SPOPL: variants seen among roughly 807,000 people sequenced by gnomAD.
SPOPL encodes speckle type BTB/POZ protein like, also known as speckle-type POZ protein-like.
SPOPL carries 23 observed loss-of-function variants against 53.8 expected under a neutral mutation model. The observed-to-expected ratio is 0.43, with a 90% CI of 0.31 to 0.61. The LOEUF (loss-of-function observed/expected upper bound fraction) is 0.61, where lower values mean the gene tolerates loss of function less well. Ranked by LOEUF, SPOPL falls within the 20% of genes least tolerant of loss-of-function variation. SPOPL has a pLI of 0.12. For synonymous variants in SPOPL, 164 were observed against 149.7 expected, an observed-to-expected ratio of 1.10 and a Z score of -0.70; for missense variants, 442 against 466.9, an observed-to-expected ratio of 0.95 and a Z score of 0.49.
At chr2:138,538,484 A>G (rs1275549665) in intron 1 of SPOPL, among the ~76,000 whole-genome samples, 1 of 152,162 alleles carries the variant, frequency 6.6e-6, no homozygotes, top group African/African-American at 2.4e-5. Flanking sequence ...TTTTTGACTT[A>G]AAGTCTGTTT....
intron 1 of SPOPL, among the ~76,000 whole-genome samples, chr2:138,539,242 T>C (rs1685007958): frequency 6.6e-6 from 1 of 152,242 alleles, no homozygotes; most frequent in Non-Finnish European, 1.5e-5. Flanking sequence ...CAGCATGATT[T>C]ATAATCCTTT....
In SPOPL at chr2:138,561,066, G is replaced by A. The variant is rs2104902305; in HGVS notation, c.837+139G>A. ...GCTTTATGAAATAGCATACAGTGGG[G>A]TAATCTGGAAATGAAATTTTTTTTT... On this transcript the variant is annotated intron_variant, in intron 8 of 10. Coordinates refer to ENST00000280098, the MANE Select transcript of SPOPL (RefSeq NM_001001664.3). 5 of 1,037,242 alleles carry A rather than the reference G, an allele frequency of 4.8e-6. 1 individual carries two copies. In the South Asian group the frequency reaches 5.3e-5, roughly 11 times the overall value. 64.3% of individuals were successfully genotyped at this position (1,037,242 alleles called of 1,614,324 possible).
Position 138,514,156 on chromosome 2 carries a change from T to A in SPOPL, c.-61+12037T>A, listed in dbSNP as rs560430750. 5.3e-5 allele frequency among the ~76,000 whole-genome samples: 8 copies of A among 152,326 alleles called. No homozygotes were observed. The East Asian group carries it at 1.5e-3, about 29-fold the overall frequency. On this transcript the variant is annotated intron_variant, in intron 1 of 10. Transcript: ENST00000280098. ...GTTTATTTTGCCAAGGTTGAGGACC[T>A]GCGCTGGGGTAACAGCCTCAGGAGG...
intron 1 of SPOPL, among the ~76,000 whole-genome samples, chr2:138,529,497 C>CGTGT (rs1684753063): frequency 1.2e-5 from 1 of 85,632 alleles, no homozygotes; most frequent in Admixed American, 1.4e-4. Context: ...TATGCATGTG[C>CGTGT]CTGTGTGTGT....
At chr2:138,519,164 A>G (rs1684505485) in intron 1 of SPOPL, among the ~76,000 whole-genome samples, 1 of 152,220 alleles carries the variant, frequency 6.6e-6, no homozygotes, top group African/African-American at 2.4e-5. Flanking sequence ...TCATTCTGTA[A>G]TACTAAATTA....
intron 1 of SPOPL, among the ~76,000 whole-genome samples, chr2:138,547,656 A>G (rs1286087315): frequency 6.6e-6 from 1 of 152,176 alleles, no homozygotes; most frequent in Non-Finnish European, 1.5e-5. Flanking sequence ...TAATTAAAAC[A>G]TAACACATTT....
chr2:138,545,508 A>T (rs1375759926), intron 1 of SPOPL, among the ~76,000 whole-genome samples: 1 of 151,472 alleles, frequency 6.6e-6, no homozygotes, highest in Non-Finnish European at 1.5e-5. Context: ...ATCTCAGCTC[A>T]CTGCAAACTC....
chr2:138,554,340 C>T (rs200769464), intron 5 of SPOPL: 36 of 494,232 alleles, frequency 7.3e-5, no homozygotes, highest in Non-Finnish European at 1.0e-4. Flanking sequence ...CCCTGGGCAC[C>T]GTATTTAGCA....
intron 1 of SPOPL, among the ~76,000 whole-genome samples, chr2:138,510,630 A>G (rs1364684911): frequency 6.6e-6 from 1 of 152,186 alleles, no homozygotes; most frequent in Non-Finnish European, 1.5e-5. Context: ...ATTATGGAGA[A>G]TTTACCTCTG....
chr2:138,554,509 C>A (rs1264552609), intron 5 of SPOPL: 4 of 1,289,520 alleles, frequency 3.1e-6, no homozygotes, highest in South Asian at 1.3e-5. Flanking sequence ...CCTCCTCCCC[C>A]TCCCCTGCAA....
intron 1 of SPOPL, among the ~76,000 whole-genome samples, chr2:138,531,540 C>T (rs1386237507): frequency 3.3e-5 from 5 of 152,112 alleles, no homozygotes; most frequent in African/African-American, 1.2e-4. Context: ...TCTGTGACTC[C>T]ACTAAGTAGG....
chr2:138,526,387 G>A (rs1684675327), intron 1 of SPOPL, among the ~76,000 whole-genome samples: 3 of 152,116 alleles, frequency 2.0e-5, no homozygotes, highest in Admixed American at 2.0e-4. Context: ...GGTTAGAGCT[G>A]TGGTCTTTAA....
At chr2:138,548,776 C>T (rs1329727001) in intron 1 of SPOPL, among the ~76,000 whole-genome samples, 3 of 152,014 alleles carry the variant, frequency 2.0e-5, no homozygotes, top group Non-Finnish European at 1.5e-5. Flanking sequence ...GGTTTTTTTA[C>T]AGTCACTGGC....
intron 1 of SPOPL, among the ~76,000 whole-genome samples, chr2:138,545,743 G>C (rs1287062389): frequency 2.0e-5 from 3 of 152,080 alleles, no homozygotes; most frequent in African/African-American, 7.2e-5. Flanking sequence ...CCGGCCAGCT[G>C]TTAAGTTTTT....
chr2:138,552,689 C>T lies in SPOPL; in HGVS notation c.480+8C>T. 1 of 1,608,160 alleles carries T rather than the reference C, an allele frequency of 6.2e-7. No homozygotes were observed. Among genetic ancestry groups the T allele is most frequent in the Admixed American group, 1.7e-5 (1 of 58,840 alleles). On this transcript the variant is annotated splice_region_variant and intron_variant, in intron 5 of 10. Coordinates refer to ENST00000280098, the MANE Select transcript of SPOPL (RefSeq NM_001001664.3). ...CTTACATTATTTTGTGAGGTGGGTA[C>T]ATCTTTTATTCTAAGAACCCCATGG... is the stretch of plus-strand genomic sequence containing the variant.
chr2:138,537,553 T>G (rs1417095563), intron 1 of SPOPL, among the ~76,000 whole-genome samples: 1 of 152,222 alleles, frequency 6.6e-6, no homozygotes, highest in Non-Finnish European at 1.5e-5. Context: ...TAGTTTTTAC[T>G]TCTTTTTTCT....
chr2:138,551,239 C>T (rs1393765940), intron 4 of SPOPL, among the ~76,000 whole-genome samples, 185 bp downstream of exon 4: 3 of 151,990 alleles, frequency 2.0e-5, no homozygotes, highest in Non-Finnish European at 2.9e-5. Flanking sequence ...TCTTAGACTT[C>T]GTAAAACATG....
At chr2:138,549,082 A>G (rs967449065) in intron 1 of SPOPL, among the ~76,000 whole-genome samples, 4 of 151,758 alleles carry the variant, frequency 2.6e-5, no homozygotes, top group Non-Finnish European at 5.9e-5. Flanking sequence ...CAAGTCTCCT[A>G]TTTCTTTTTT....
chr2:138,519,142 G>C (rs1482461896), intron 1 of SPOPL, among the ~76,000 whole-genome samples: 1 of 152,132 alleles, frequency 6.6e-6, no homozygotes, highest in Non-Finnish European at 1.5e-5. Context: ...AACTGTGATG[G>C]TGTTCTCTGG....
Sources: allele counts gnomAD v4.1 joint callset (sites outside exome capture counted in the v4.1 genomes callset), GRCh38; gene constraint gnomAD v4.1.1; transcripts MANE v1.5; gene names NCBI Gene and HGNC (gene_info 2026-07-23, HGNC 2026-07-21).